KIR2DL4: variants seen among roughly 807,000 people sequenced by gnomAD.
KIR2DL4 encodes killer cell immunoglobulin-like receptor 2DL4.
In KIR2DL4, 41 loss-of-function variants were observed where a neutral mutation model predicts 31.0. The observed-to-expected ratio is 1.32, with a 90% CI of 1.03 to 1.72. KIR2DL4 has a LOEUF of 1.72. KIR2DL4 is among the 40% of genes most tolerant of loss of function. KIR2DL4 has a pLI of 0.00. For missense variants in KIR2DL4, 438 were observed against 353.7 expected, an observed-to-expected ratio of 1.24 and a Z score of -1.91; for synonymous variants, 164 against 133.6, an observed-to-expected ratio of 1.23 and a Z score of -1.57.
exon 8 of KIR2DL4, chr19:54,814,365 A>C: frequency 1.9e-6 from 1 of 513,232 alleles, no homozygotes; most frequent in South Asian, 2.2e-5. Flanking sequence ...CTCTCTCTTA[A>C]CACGGCACTT....
chr19:54,814,142 C>G, exon 8 of KIR2DL4: 1 of 1,603,008 alleles, frequency 6.2e-7, no homozygotes, highest in Admixed American at 1.7e-5. Context: ...GAGCATCACT[C>G]TTCCTCACAC....
chr19:54,805,399 A>C (rs1483685323), intron 3 of KIR2DL4, among the ~76,000 whole-genome samples: 3 of 151,218 alleles, frequency 2.0e-5, no homozygotes, highest in Non-Finnish European at 4.4e-5. Flanking sequence ...ACAAGGGTCC[A>C]TATGAGTGGA....
intron 3 of KIR2DL4, 97 bp from the exon 4 acceptor site, chr19:54,805,854 T>A: frequency 6.3e-6 from 6 of 947,022 alleles, no homozygotes; most frequent in Non-Finnish European, 7.9e-6. Context: ...GAGAGAGCAC[T>A]AGGCCATAGA....
At chr19:54,803,715 A>G in intron 1 of KIR2DL4, 24 bp downstream of exon 1, 5 of 1,608,906 alleles carry the variant, frequency 3.1e-6, no homozygotes, top group East Asian at 2.2e-5. Flanking sequence ...GGGAAGGAGC[A>G]CCAGGGTTAC....
chr19:54,814,399 C>T (rs1601249560), exon 8 of KIR2DL4: 1 of 444,366 alleles, frequency 2.3e-6, no homozygotes, highest in South Asian at 2.5e-5. Flanking sequence ...TCCACCTTCC[C>T]TCGTGCTGTT....
exon 8 of KIR2DL4, chr19:54,813,885 T>G: frequency 1.9e-6 from 3 of 1,612,446 alleles, no homozygotes; most frequent in Non-Finnish European, 2.5e-6. Context: ...TACGCACAGT[T>G]GGATCACTGC....
exon 5 of KIR2DL4, chr19:54,808,873 C>T: frequency 1.2e-6 from 2 of 1,604,364 alleles, no homozygotes; most frequent in Non-Finnish European, 8.5e-7. Flanking sequence ...CTGAACCAAG[C>T]TTCAAAACTG....
intron 6 of KIR2DL4, among the ~76,000 whole-genome samples, 183 bp from the exon 6 acceptor site, chr19:54,813,507 G>A (rs1360752026): frequency 6.6e-6 from 1 of 151,014 alleles, no homozygotes; most frequent in African/African-American, 2.5e-5. Flanking sequence ...CAATGGGATG[G>A]GAACTGACAG....
chr19:54,810,103 G>A (rs2060769213), intron 5 of KIR2DL4, among the ~76,000 whole-genome samples: 1 of 147,806 alleles, frequency 6.8e-6, no homozygotes, highest in Non-Finnish European at 1.5e-5. Context: ...AAGCATCTGT[G>A]CATGAGAATG....
At chr19:54,811,349 G>A (rs2060856116) in intron 5 of KIR2DL4, among the ~76,000 whole-genome samples, 1 of 151,258 alleles carries the variant, frequency 6.6e-6, no homozygotes, top group Non-Finnish European at 1.5e-5. Flanking sequence ...AGTGAGCCAA[G>A]ATCGCGTCAT....
intron 5 of KIR2DL4, among the ~76,000 whole-genome samples, chr19:54,812,787 C>T (rs1320320669): frequency 1.4e-5 from 2 of 142,912 alleles, no homozygotes; most frequent in African/African-American, 2.8e-5. Context: ...TTGCTAACCC[C>T]GTCCTCTGGG....
At chr19:54,807,478 C>T (rs2060597248) in intron 4 of KIR2DL4, among the ~76,000 whole-genome samples, 1 of 151,158 alleles carries the variant, frequency 6.6e-6, no homozygotes, top group East Asian at 1.9e-4. Context: ...ACTCTTGTTG[C>T]CCAAGCTGGA....
chr19:54,806,515 G>A (rs1012306078), intron 4 of KIR2DL4, among the ~76,000 whole-genome samples: 2 of 151,076 alleles, frequency 1.3e-5, no homozygotes, highest in Non-Finnish European at 2.9e-5. Context: ...GCTCAGTTTG[G>A]GGAGATCAGA....
At position 54,803,934 on chromosome 19, in the gene KIR2DL4, C is replaced by G. The variant is rs765545265; in HGVS notation, c.76+8C>G. 6.2e-7 allele frequency: 1 copy of G among 1,608,524 alleles called. No individual in the cohort carries two copies. The highest frequency in any genetic ancestry group is 8.5e-7 in the Non-Finnish European group (1 of 1,177,814). On this transcript the variant is annotated splice_region_variant and intron_variant, in intron 2 of 7. Transcript: ENST00000359085. ...GTGTGTGGGCACACGTGGGTGAGTC[C>G]TTCCCCAAATGATGGGTTGCCATCT... is the stretch of plus-strand genomic sequence containing the variant.
Position 54,809,002 on chromosome 19 carries a change from T to C in KIR2DL4, c.706+119T>C, listed in dbSNP as rs2060696259. 9.4e-6 allele frequency: 8 copies of C among 852,454 alleles called. No homozygotes were observed. In the South Asian group the frequency reaches 1.1e-4, roughly 11 times the overall value. The allele number at this position is 852,454 out of a possible 1,614,324, so 52.8% of individuals were successfully genotyped here. ...GATTGTGGGCCTGTCTTCCATTGTC[T>C]CTGAACCCCAGACACTCCAACAGCG... On this transcript the variant is annotated intron_variant, in intron 5 of 7. Transcript: ENST00000359085.
chr19:54,808,158 T>C (rs1436777976), intron 4 of KIR2DL4, among the ~76,000 whole-genome samples: 1 of 150,252 alleles, frequency 6.7e-6, no homozygotes, highest in Non-Finnish European at 1.5e-5. Context: ...TCTTCTTCAC[T>C]TCATTGGTTG....
In KIR2DL4 at chr19:54,813,389, C is replaced by T. The variant is rs1380845620; in HGVS notation, c.810+161C>T. On this transcript the variant is annotated intron_variant, in intron 6 of 7. Transcript: ENST00000359085. ...AGAGCACCAGACACCCTGCCCCTGCCTTCAGCTCACAGACCGTTGCCTGAT... is the reference window on the plus strand; with the variant it reads ...AGAGCACCAGACACCCTGCCCCTGCTTTCAGCTCACAGACCGTTGCCTGAT... 4.7e-6 allele frequency: 5 copies of T among 1,068,478 alleles called. No individual in the cohort carries two copies. The East Asian group carries it at 1.3e-4, about 29-fold the overall frequency. The allele number at this position is 1,068,478 out of a possible 1,614,324, so 66.2% of individuals were successfully genotyped here.
intron 3 of KIR2DL4, 136 bp downstream of exon 3, chr19:54,805,213 T>C (rs1230411975): frequency 4.6e-5 from 38 of 822,416 alleles, no homozygotes; most frequent in Non-Finnish European, 6.5e-5. Context: ...TACAGGGGAA[T>C]GGGTGCTGTG....
chr19:54,804,755 C>T, intron 2 of KIR2DL4, 38 bp from the exon 3 acceptor site: 4 of 1,596,768 alleles, frequency 2.5e-6, no homozygotes, highest in Non-Finnish European at 3.4e-6. Context: ...GGCAGCTCAA[C>T]ATACTCCTCT....
Sources: gnomAD v4.1 joint callset for allele counts (sites outside exome capture counted in the v4.1 genomes callset) on GRCh38, gnomAD v4.1.1 for gene constraint, MANE v1.5 for transcripts, NCBI Gene and HGNC (gene_info 2026-07-23, HGNC 2026-07-21) for gene names.